Variants in MCTP2 observed in about 807,000 individuals in gnomAD.
MCTP2 encodes the protein multiple C2 and transmembrane domain-containing protein 2.
In MCTP2, 132 loss-of-function variants were observed where a neutral mutation model predicts 111.6. The observed-to-expected ratio is 1.18, with a 90% CI of 1.03 to 1.37. The LOEUF is 1.37. MCTP2 is among the 40% of genes most tolerant of loss of function. The probability of loss-of-function intolerance (pLI) is 0.00; values close to 1 mark genes in which losing one functional copy is unlikely to be tolerated. For synonymous variants in MCTP2, 395 were observed against 387.7 expected, an observed-to-expected ratio of 1.02 and a Z score of -0.22; for missense variants, 1,183 against 1,067.9, an observed-to-expected ratio of 1.11 and a Z score of -1.50.
chr15:94,235,989 A>G (rs1165326001), intron 1 of MCTP2, among the ~76,000 whole-genome samples: 1 of 152,236 alleles, frequency 6.6e-6, no homozygotes, highest in Non-Finnish European at 1.5e-5. Context: ...GAAGAACTTC[A>G]TTGTCATTTA....
chr15:94,326,817 CA>C (rs777131064), intron 4 of MCTP2, among the ~76,000 whole-genome samples: 8,404 of 50,120 alleles, frequency 0.17, 1,118 homozygotes, highest in East Asian at 0.31. Flanking sequence ...ATCCCCGCCC[CA>C]CCCCCCCCCA....
Position 94,426,323 on chromosome 15 carries a change from T to C in MCTP2, c.2086-13853T>C, listed in dbSNP as rs913824916. On this transcript the variant is annotated intron_variant, in intron 17 of 22. Transcript: ENST00000357742. ...TCTCTCTCTTTCTGGATATCAGATT[T>C]TTACATATAAAGTAAACCTTTCTCA... Among the ~76,000 whole-genome samples, 3 of 152,166 alleles carry C rather than the reference T, an allele frequency of 2.0e-5. No individual in the cohort carries two copies. The South Asian group carries it at 6.2e-4, about 31-fold the overall frequency.
At chr15:94,318,193 G>A (rs1435754071) in intron 4 of MCTP2, among the ~76,000 whole-genome samples, 2 of 150,928 alleles carry the variant, frequency 1.3e-5, no homozygotes, top group African/African-American at 4.9e-5. Flanking sequence ...TAGAGAGTGT[G>A]TATTTTACAT....
intron 5 of MCTP2, 21 bp from the exon 6 acceptor site, chr15:94,340,178 T>A: frequency 6.4e-7 from 1 of 1,560,146 alleles, no homozygotes; most frequent in Non-Finnish European, 8.8e-7. Context: ...ATGTGTTAAT[T>A]GACCTCTGTC....
intron 4 of MCTP2, among the ~76,000 whole-genome samples, chr15:94,336,739 A>ATGTG (rs147211090): frequency 0.029 from 4,354 of 149,852 alleles, 187 homozygotes; most frequent in African/African-American, 0.1. Flanking sequence ...ATGTGCATAT[A>ATGTG]TGTGTGTGTA....
chr15:94,438,237 G>A (rs574363728), intron 17 of MCTP2, among the ~76,000 whole-genome samples: 23 of 151,980 alleles, frequency 1.5e-4, no homozygotes, highest in Non-Finnish European at 3.1e-4. Context: ...CTTGATTTAC[G>A]CATACACCGT....
In MCTP2 at chr15:94,440,198, A is replaced by G. The variant is rs148750892; in HGVS notation, c.2108A>G (p.Asn703Ser). 118 of 1,614,000 alleles carry G rather than the reference A, an allele frequency of 7.3e-5. No individual in the cohort carries two copies. The East Asian group carries it at 2.6e-3, about 35-fold the overall frequency. Residue 703 changes from asparagine to serine, a missense_variant, in exon 18 of 23, where the codon AAT becomes AGT. Asn to Ser is a conservative substitution (Grantham distance 46, BLOSUM62 1). Transcript: ENST00000357742. The stretch of plus-strand genomic sequence containing the variant: ...CAGGTATTTTTGATCACTGTCTGGA[A>G]TTTTGAACTATATATGATCCCCTTG... ...AFAVFLITVW[N>S]FELYMIPLAL...
intron 17 of MCTP2, among the ~76,000 whole-genome samples, chr15:94,419,465 A>C (rs1019634297): frequency 1.3e-5 from 2 of 152,036 alleles, no homozygotes; most frequent in Non-Finnish European, 2.9e-5. Context: ...AAGGAAAGGG[A>C]GAGTCAGGGC....
Position 94,402,027 on chromosome 15 carries a change from T to G in MCTP2, c.2085+8T>G, listed in dbSNP as rs2081620199. ...AGTACAATAGCATTCGCGGTAAGCT[T>G]CCTTTCTTATGTTCAAACTATTTGC... On this transcript the variant is annotated splice_region_variant and intron_variant, in intron 17 of 22. Coordinates refer to ENST00000357742, the MANE Select transcript of MCTP2 (RefSeq NM_001385001.1). 1 of 1,609,280 alleles carries G rather than the reference T, an allele frequency of 6.2e-7. No homozygotes were observed. The highest frequency in any genetic ancestry group is 8.5e-7 in the Non-Finnish European group (1 of 1,178,428).
chr15:94,355,858 C>G, intron 8 of MCTP2: 2 of 952,642 alleles, frequency 2.1e-6, no homozygotes, highest in Non-Finnish European at 2.5e-6. Flanking sequence ...TTGAAGGAGT[C>G]CCACCAAAGA....
In MCTP2 at chr15:94,314,328, A is replaced by G. The variant is rs2076281801; in HGVS notation, c.512A>G (p.His171Arg). The G allele has an allele frequency of 1.2e-6, 2 of 1,607,008 alleles. No homozygotes were observed. The highest frequency in any genetic ancestry group is 1.3e-5 in the African/African-American group (1 of 74,666). ...CTGAATGCTTCTATGACATCTCAAC[A>G]TTTTGAAGAACAATCTGTGAGTGGC... ...SDLNASMTSQ[H>R]FEEQSVPGEA... The change falls in exon 3 of 23, where the codon CAT (histidine) becomes CGT (arginine). Residue 171 changes from histidine (H) to arginine (R), a missense_variant. Coordinates refer to ENST00000357742, the MANE Select transcript of MCTP2 (RefSeq NM_001385001.1).
intron 17 of MCTP2, among the ~76,000 whole-genome samples, chr15:94,439,955 C>T (rs957243211): frequency 4.6e-5 from 7 of 152,120 alleles, no homozygotes; most frequent in African/African-American, 1.7e-4. Context: ...GGTATGAAGC[C>T]ACTGTATCTG....
In MCTP2 at chr15:94,450,653, A is replaced by G. The variant is rs571764434; in HGVS notation, c.2251-7484A>G. 5.2e-4 allele frequency among the ~76,000 whole-genome samples: 79 copies of G among 152,272 alleles called. 1 individual carries two copies. The highest frequency in any genetic ancestry group is 1.8e-3 in the African/African-American group (74 of 41,546). On this transcript the variant is annotated intron_variant, in intron 19 of 22. Coordinates refer to ENST00000357742, the MANE Select transcript of MCTP2 (RefSeq NM_001385001.1). Reference sequence around the variant, plus strand: ...ATTCTTATTTAAAGTCTAAAGGTATATTTTTGCATCTTTAGTCTAGATGAT... The same window carrying G: ...ATTCTTATTTAAAGTCTAAAGGTATGTTTTTGCATCTTTAGTCTAGATGAT...
chr15:94,273,577 A>T, intron 1 of MCTP2: 1 of 202,702 alleles, frequency 4.9e-6, no homozygotes, highest in Non-Finnish European at 1.1e-5. Flanking sequence ...GGTATGCAGG[A>T]AGGTCATGTC....
intron 14 of MCTP2, among the ~76,000 whole-genome samples, chr15:94,393,751 T>A (rs2081120316): frequency 6.6e-6 from 1 of 151,822 alleles, no homozygotes; most frequent in African/African-American, 2.4e-5. Context: ...AGCAGAAAAC[T>A]TAAAGAAGTC....
intron 17 of MCTP2, among the ~76,000 whole-genome samples, chr15:94,425,695 G>A (rs1249533605): frequency 6.6e-6 from 1 of 152,164 alleles, no homozygotes; most frequent in East Asian, 1.9e-4. Flanking sequence ...ACAGGCATTG[G>A]AAGGGGAGAT....
At chr15:94,325,135 G>A (rs1349363733) in intron 4 of MCTP2, among the ~76,000 whole-genome samples, 1 of 152,098 alleles carries the variant, frequency 6.6e-6, no homozygotes, top group African/African-American at 2.4e-5. Context: ...TGGTGGGTGA[G>A]GGTTATGCGT....
At chr15:94,436,177 T>C (rs1210826696) in intron 17 of MCTP2, among the ~76,000 whole-genome samples, 1 of 152,172 alleles carries the variant, frequency 6.6e-6, no homozygotes, top group African/African-American at 2.4e-5. Context: ...TGCATTCCCG[T>C]TTCCTCCATT....
intron 10 of MCTP2, among the ~76,000 whole-genome samples, chr15:94,362,578 T>A (rs1441578639): frequency 6.6e-6 from 1 of 152,186 alleles, no homozygotes; most frequent in Non-Finnish European, 1.5e-5. Context: ...ATGTCGTTGA[T>A]CTGCTTTTAC....
Sources: gnomAD v4.1 joint callset for allele counts (sites outside exome capture counted in the v4.1 genomes callset) on GRCh38, gnomAD v4.1.1 for gene constraint, MANE v1.5 for transcripts, NCBI Gene and HGNC (gene_info 2026-07-23, HGNC 2026-07-21) for gene names.